YES1: variants seen among roughly 807,000 people sequenced by gnomAD.
The protein encoded by YES1 is tyrosine-protein kinase Yes.
A neutral mutation model predicts 70.4 loss-of-function variants in YES1; 39 were observed. The ratio of observed to expected loss-of-function variants is 0.55; its 90% CI spans 0.43 to 0.72. The LOEUF (loss-of-function observed/expected upper bound fraction) is 0.72, where lower values mean the gene tolerates loss of function less well. Ranked by LOEUF, YES1 falls within the 30% of genes least tolerant of loss-of-function variation. The probability of loss-of-function intolerance (pLI) is 0.00; values close to 1 mark genes in which losing one functional copy is unlikely to be tolerated. For synonymous variants in YES1, 198 were observed against 218.6 expected, an observed-to-expected ratio of 0.91 and a Z score of 0.83; for missense variants, 495 against 644.8, an observed-to-expected ratio of 0.77 and a Z score of 2.52.
intron 1 of YES1, among the ~76,000 whole-genome samples, chr18:758,620 C>T (rs1007871595): frequency 1.3e-5 from 2 of 152,174 alleles, no homozygotes; most frequent in Non-Finnish European, 2.9e-5. Context: ...ACAAATGTTA[C>T]TTTTCCATTC....
rs147774899 is a variant in YES1 at position 801,805 on chromosome 18, T to C, written c.-9+10309A>G. ...ACAGTTTAGTGTAATAACTCATCTT[T>C]TGCATGTTTCTTTATTCTTTTGATG... On this transcript the variant is annotated intron_variant, in intron 1 of 11. Transcript: ENST00000314574. Among the ~76,000 whole-genome samples the C allele has an allele frequency of 4.5e-3, 687 of 152,340 alleles. 4 individuals are homozygous for C. The highest frequency in any genetic ancestry group is 0.016 in the African/African-American group (656 of 41,570).
At position 807,796 on chromosome 18, in the gene YES1, T is replaced by G. The variant is rs145060781; in HGVS notation, c.-9+4318A>C. Among the ~76,000 whole-genome samples the G allele has an allele frequency of 3.8e-3, 574 of 152,292 alleles. 1 individual carries two copies. Among genetic ancestry groups the G allele is most frequent in the Non-Finnish European group, 6.2e-3 (419 of 68,006 alleles). Reference sequence around the variant, plus strand: ...CTAGAAGTTATCCCTCTTGAAGGCCTTCCACTTCCTAGGAGAAAGTAGAGT... The same window carrying G: ...CTAGAAGTTATCCCTCTTGAAGGCCGTCCACTTCCTAGGAGAAAGTAGAGT... On this transcript the variant is annotated intron_variant, in intron 1 of 11. Coordinates refer to ENST00000314574, the MANE Select transcript of YES1 (RefSeq NM_005433.4).
At chr18:767,760 G>T (rs1904978705) in intron 1 of YES1, among the ~76,000 whole-genome samples, 1 of 152,092 alleles carries the variant, frequency 6.6e-6, no homozygotes, top group African/African-American at 2.4e-5. Flanking sequence ...GAGTACAGGG[G>T]CACGATCTCG....
chr18:732,865 T>A lies in YES1; in HGVS notation c.1392A>T (p.Glu464Asp), dbSNP rs2080108727. 1 of 1,614,128 alleles carries A rather than the reference T, an allele frequency of 6.2e-7. No individual in the cohort carries two copies. The highest frequency in any genetic ancestry group is 8.5e-7 in the Non-Finnish European group (1 of 1,180,056). Residue 464 changes from glutamate (E) to aspartate (D), a missense_variant, in exon 11 of 12, where the codon GAA becomes GAT. Transcript: ENST00000314574. ...ATGGCACTCGGCCCTTTGTTACTAGTTCTGTTTGCAGAATTCCAAATGACC... is the reference window on the plus strand; with the variant it reads ...ATGGCACTCGGCCCTTTGTTACTAGATCTGTTTGCAGAATTCCAAATGACC... ...DVWSFGILQT[E>D]LVTKGRVPYP...
Position 803,091 on chromosome 18 carries a change from G to C in YES1, c.-9+9023C>G, listed in dbSNP as rs114970610. 4.5e-3 allele frequency among the ~76,000 whole-genome samples: 683 copies of C among 152,114 alleles called. 4 individuals are homozygous for C. The highest frequency in any genetic ancestry group is 0.016 in the African/African-American group (652 of 41,494). ...TAAAAATTAAAAAAAAAATTAGCTG[G>C]GCATGGTGGCTCACAACTGTGGTCC... On this transcript the variant is annotated intron_variant, in intron 1 of 11. Transcript: ENST00000314574.
At chr18:755,300 A>G (rs28428835) in intron 2 of YES1, among the ~76,000 whole-genome samples, 4,471 of 151,680 alleles carry the variant, frequency 0.029, 226 homozygotes, top group African/African-American at 0.1. Context: ...CTAGGCTGGA[A>G]TGCAGTGGCG....
intron 1 of YES1, among the ~76,000 whole-genome samples, chr18:805,364 T>TA (rs1568223058): frequency 6.6e-6 from 1 of 152,098 alleles, no homozygotes; most frequent in Admixed American, 6.6e-5. Flanking sequence ...TATAAAAAAA[T>TA]AAAAAATGGT....
intron 1 of YES1, among the ~76,000 whole-genome samples, chr18:784,581 A>G (rs1334693718): frequency 6.6e-6 from 1 of 152,250 alleles, no homozygotes; most frequent in African/African-American, 2.4e-5. Flanking sequence ...AGGTGTCAGC[A>G]GGGCTGCATT....
At chr18:741,242 C>CT (rs559380772) in intron 8 of YES1, among the ~76,000 whole-genome samples, 208 of 144,456 alleles carry the variant, frequency 1.4e-3, no homozygotes, top group Middle Eastern at 7.2e-3. Context: ...TCCTTTTCTC[C>CT]TTTTTTTTTT....
At chr18:760,022 C>T (rs190345968) in intron 1 of YES1, among the ~76,000 whole-genome samples, 1 of 152,242 alleles carries the variant, frequency 6.6e-6, no homozygotes, top group East Asian at 1.9e-4. Flanking sequence ...ATCCATGTCC[C>T]TACAAAGGAC....
chr18:734,497 A>G (rs1451891483), intron 10 of YES1, among the ~76,000 whole-genome samples: 1 of 152,072 alleles, frequency 6.6e-6, no homozygotes, highest in Non-Finnish European at 1.5e-5. Context: ...CAGAGCTTGC[A>G]GTGAGCCAAG....
At chr18:742,133 G>A (rs2080222922) in intron 8 of YES1, among the ~76,000 whole-genome samples, 1 of 152,134 alleles carries the variant, frequency 6.6e-6, no homozygotes, top group Non-Finnish European at 1.5e-5. Context: ...TAATAAAGCA[G>A]ATGAAATCAA....
At chr18:794,466 T>C (rs140230854) in intron 1 of YES1, among the ~76,000 whole-genome samples, 36 of 152,338 alleles carry the variant, frequency 2.4e-4, no homozygotes, top group Middle Eastern at 6.8e-3. Flanking sequence ...ATTTTTGTTA[T>C]AAAGAATATT....
chr18:803,536 T>C (rs904833902), intron 1 of YES1, among the ~76,000 whole-genome samples: 4 of 152,218 alleles, frequency 2.6e-5, no homozygotes, highest in Non-Finnish European at 4.4e-5. Context: ...CTATACCTCA[T>C]ACTGTCCTAT....
chr18:766,105 G>A (rs1904896227), intron 1 of YES1, among the ~76,000 whole-genome samples: 1 of 152,182 alleles, frequency 6.6e-6, no homozygotes, highest in Non-Finnish European at 1.5e-5. Flanking sequence ...TTGATAAAAA[G>A]AACTGTGATT....
At chr18:730,511 G>A (rs2080075584) in intron 11 of YES1, among the ~76,000 whole-genome samples, 2 of 151,812 alleles carry the variant, frequency 1.3e-5, no homozygotes, top group Admixed American at 1.3e-4. Context: ...CGCCCAACTG[G>A]AATTTTAAAG....
At chr18:733,990 G>A (rs554534971) in intron 10 of YES1, among the ~76,000 whole-genome samples, 77 of 152,274 alleles carry the variant, frequency 5.1e-4, no homozygotes, top group African/African-American at 1.7e-3. Context: ...TTTAAAAAGT[G>A]GCAGGTGGTT....
At chr18:727,692 G>C (rs939353317) in intron 11 of YES1, among the ~76,000 whole-genome samples, 1 of 152,060 alleles carries the variant, frequency 6.6e-6, no homozygotes, top group East Asian at 1.9e-4. Context: ...TCCAAACTTA[G>C]AACGGTTTAC....
At chr18:807,378 G>T (rs1907153711) in intron 1 of YES1, among the ~76,000 whole-genome samples, 1 of 151,814 alleles carries the variant, frequency 6.6e-6, no homozygotes, top group East Asian at 1.9e-4. Context: ...GCACACCTGT[G>T]GTCCGAGCTA....
Sources: gnomAD v4.1 joint callset for allele counts (sites outside exome capture counted in the v4.1 genomes callset) on GRCh38, gnomAD v4.1.1 for gene constraint, MANE v1.5 for transcripts, NCBI Gene and HGNC (gene_info 2026-07-23, HGNC 2026-07-21) for gene names.